Variants in CCT6A observed in about 807,000 individuals in gnomAD.
CCT6A encodes T-complex protein 1 subunit zeta.
A neutral mutation model predicts 58.6 loss-of-function variants in CCT6A; 6 were observed. The observed-to-expected ratio is 0.10, with a 90% CI of 0.06 to 0.20. The LOEUF (loss-of-function observed/expected upper bound fraction) is 0.20, where lower values mean the gene tolerates loss of function less well. Among genes scored for constraint, CCT6A ranks in the 10% least tolerant of loss-of-function variants. The pLI, the probability that CCT6A is intolerant of heterozygous loss-of-function variation, is 1.00. For missense variants in CCT6A, 516 were observed against 648.8 expected (o/e 0.80, Z 2.22); for synonymous variants, 245 against 227.8 (o/e 1.08, Z -0.68).
At chr7:56,061,087 C>A in intron 11 of CCT6A, 147 bp downstream of exon 11, 1 of 825,762 alleles carries the variant, frequency 1.2e-6, no homozygotes, top group Non-Finnish European at 1.8e-6. Context: ...TCCTCATCAT[C>A]CAGATATATT....
At chr7:56,052,917 C>CG (rs919652810) in intron 2 of CCT6A, among the ~76,000 whole-genome samples, 5 of 152,030 alleles carry the variant, frequency 3.3e-5, no homozygotes, top group African/African-American at 1.2e-4. Context: ...TCTCAGTCTC[C>CG]CAAGTAGCTA....
In CCT6A at chr7:56,058,392, T is replaced by G. The variant is rs777480646; in HGVS notation, c.756T>G (p.Ser252Arg). The change falls in exon 7 of 14, where the codon AGT (serine) becomes AGG (arginine). Residue 252 changes from serine to arginine, a missense_variant. Ser to Arg is a moderately radical substitution (Grantham distance 110, BLOSUM62 -1). Coordinates refer to ENST00000275603, the MANE Select transcript of CCT6A (RefSeq NM_001762.4). ...TGAATTCTGGCTTTTTTTACAAGAG[T>G]GCAGAAGAGAGAGAAAAACTCGTGA... ...TEVNSGFFYK[S>R]AEEREKLVKA... is the part of the protein sequence containing the mutation. The G allele has an allele frequency of 4.4e-6, 7 of 1,592,734 alleles. No homozygotes were observed. The highest frequency in any genetic ancestry group is 1.7e-4 in the Middle Eastern group (1 of 5,944).
Position 56,060,944 on chromosome 7 carries a change from T to C in CCT6A, c.1347+4T>C, listed in dbSNP as rs533726609. On this transcript the variant is annotated splice_donor_region_variant and intron_variant, in intron 11 of 13. Transcript: ENST00000275603. ...TGCATTGCTCATTATTCCCAAGGTGTGCATGCTTTTAACAGTCAATCTTCC... is the reference window on the plus strand; with the variant it reads ...TGCATTGCTCATTATTCCCAAGGTGCGCATGCTTTTAACAGTCAATCTTCC... 6.2e-7 allele frequency: 1 copy of C among 1,601,392 alleles called. No individual in the cohort carries two copies. Among genetic ancestry groups the C allele is most frequent in the South Asian group, 1.1e-5 (1 of 88,134 alleles).
chr7:56,061,528 G>A (rs1376003438), intron 11 of CCT6A: 1 of 273,654 alleles, frequency 3.7e-6, no homozygotes, highest in African/African-American at 2.3e-5. Flanking sequence ...TTTATTTTTA[G>A]TAGAGATGGG....
In CCT6A at chr7:56,063,260, A is replaced by T. The variant is rs1794515092; in HGVS notation, c.*175A>T. ...GAAGTTCTGAAATTATAGTATTTTT[A>T]AAAATTGCACTGAAGTGTATACACA... On this transcript the variant is annotated 3_prime_UTR_variant, in exon 14 of 14. Coordinates refer to ENST00000275603, the MANE Select transcript of CCT6A (RefSeq NM_001762.4). 2 of 608,348 alleles carry T rather than the reference A, an allele frequency of 3.3e-6. No homozygotes were observed. The highest frequency in any genetic ancestry group is 2.9e-5 in the Admixed American group (1 of 34,536). 37.7% of individuals were successfully genotyped at this position (608,348 alleles called of 1,614,324 possible). A position where few individuals can be genotyped will look rare whatever the true frequency, so the allele number is the denominator to read the frequency against.
At chr7:56,057,603 G>A (rs186470104) in intron 5 of CCT6A, among the ~76,000 whole-genome samples, 204 of 152,256 alleles carry the variant, frequency 1.3e-3, no homozygotes, top group African/African-American at 4.5e-3. Flanking sequence ...GAAATAGGCC[G>A]GGCGCAGTGG....
intron 2 of CCT6A, among the ~76,000 whole-genome samples, chr7:56,052,874 A>G (rs554611279): frequency 6.6e-6 from 1 of 150,752 alleles, no homozygotes; most frequent in Admixed American, 6.7e-5. Context: ...ACTCACTGCA[A>G]CCTCTCCCTC....
In CCT6A at chr7:56,063,034, T is replaced by G. The variant is rs2117355029; in HGVS notation, c.1545T>G (p.Ile515Met). The change falls in exon 14 of 14, where the codon ATT (isoleucine) becomes ATG (methionine). Residue 515 changes from isoleucine (I) to methionine (M), a missense_variant. This residue lies in a region of CCT6A where 315 missense variants were observed against 389.4 expected (regional missense o/e 0.81). Transcript: ENST00000275603. Reference sequence around the variant, plus strand: ...TCAGCACTGTGATTGCCACCAACATTCTCTTGGTTGATGAGATCATGCGAG... The same window carrying G: ...TCAGCACTGTGATTGCCACCAACATGCTCTTGGTTGATGAGATCATGCGAG... The part of the protein sequence containing the change: ...LHSCTVIATN[I>M]LLVDEIMRAG... 6.2e-7 allele frequency: 1 copy of G among 1,612,408 alleles called. No individual in the cohort carries two copies. The highest frequency in any genetic ancestry group is 8.5e-7 in the Non-Finnish European group (1 of 1,178,434).
Position 56,059,623 on chromosome 7 carries a change from G to C in CCT6A, c.1048G>C (p.Val350Leu), listed in dbSNP as rs1354309448. The C allele has an allele frequency of 1.8e-5, 27 of 1,508,452 alleles. No individual in the cohort carries two copies. The highest frequency in any genetic ancestry group is 2.5e-5 in the Non-Finnish European group (27 of 1,083,478). 93.4% of individuals were successfully genotyped at this position (1,508,452 alleles called of 1,614,324 possible). The change falls in exon 9 of 14, where the codon GTA becomes CTA. Residue 350 changes from valine to leucine, a missense_variant. This residue lies in a region of CCT6A where 315 missense variants were observed against 389.4 expected (regional missense o/e 0.81). Coordinates refer to ENST00000275603, the MANE Select transcript of CCT6A (RefSeq NM_001762.4). Reference protein sequence around the residue: ...SPDCLGHAGLVYEYTLGEEKF... With the variant: ...SPDCLGHAGLLYEYTLGEEKF... The stretch of plus-strand genomic sequence containing the variant: ...TGACTGCTTGGGACATGCAGGACTT[G>C]TATATGAGTATACATTGGTAAGTGT...
chr7:56,061,661 CTTTTTTCTTTTTTTTTT>C, intron 11 of CCT6A, 69 bp from the exon 12 acceptor site: 3 of 591,390 alleles, frequency 5.1e-6, no homozygotes, highest in Non-Finnish European at 5.4e-6. Context: ...TTTTCTTTTT[CTTTTTTCTTTTTTTTTT>C]TTTTTTTTTT....
chr7:56,061,890 A>G, intron 12 of CCT6A, 41 bp downstream of exon 12: 1 of 1,128,500 alleles, frequency 8.9e-7, no homozygotes. Context: ...ACTAGATGTA[A>G]TACGTGTGAG....
chr7:56,054,965 G>A (rs1794273578), intron 3 of CCT6A, among the ~76,000 whole-genome samples: 1 of 152,136 alleles, frequency 6.6e-6, no homozygotes. Context: ...GAGTTAGTTT[G>A]AGATTACCTA....
chr7:56,059,228 T>C (rs918440762), intron 8 of CCT6A, among the ~76,000 whole-genome samples: 13 of 152,076 alleles, frequency 8.5e-5, no homozygotes, highest in Non-Finnish European at 1.3e-4. Flanking sequence ...CTCAAACTCC[T>C]GGCCTCAAGT....
Position 56,060,366 on chromosome 7 carries a change from A to G in CCT6A, c.1163A>G (p.Lys388Arg). 6.2e-7 allele frequency: 1 copy of G among 1,613,980 alleles called. No homozygotes were observed. The highest frequency in any genetic ancestry group is 1.1e-5 in the South Asian group (1 of 91,086). The change falls in exon 10 of 14, where the codon AAA (lysine) becomes AGA (arginine). Residue 388 changes from lysine to arginine, a missense_variant. Lys to Arg is a conservative substitution (Grantham distance 26). Around this residue, in one of 3 missense-constraint regions of CCT6A, gnomAD observed 315 missense variants for 389.4 expected, o/e 0.81. Transcript: ENST00000275603. ...GPNKHTLTQI[K>R]DAVRDGLRAV... is the part of the protein sequence containing the mutation. The stretch of plus-strand genomic sequence containing the variant: ...AATAAGCACACACTCACTCAGATCA[A>G]AGATGCAGTGAGGGACGGCTTGAGG...
intron 9 of CCT6A, 64 bp downstream of exon 9, chr7:56,059,704 T>C: frequency 1.2e-6 from 1 of 842,728 alleles, no homozygotes; most frequent in South Asian, 1.4e-5. Context: ...TTTGTTTGTT[T>C]GTTTGAGGTG....
Position 56,054,506 on chromosome 7 carries a change from A to G in CCT6A, c.336+3A>G. ...AGGCGGATCTCTACATTTCTGAAGT[A>G]TGCACAACTCTTGTTTCTGTAATTT... is the stretch of plus-strand genomic sequence containing the variant. On this transcript the variant is annotated splice_donor_region_variant and intron_variant, in intron 3 of 13. Coordinates refer to ENST00000275603, the MANE Select transcript of CCT6A (RefSeq NM_001762.4). 1 of 1,606,978 alleles carries G rather than the reference A, an allele frequency of 6.2e-7. No homozygotes were observed. Among genetic ancestry groups the G allele is most frequent in the Non-Finnish European group, 8.5e-7 (1 of 1,176,370 alleles).
intron 8 of CCT6A, among the ~76,000 whole-genome samples, 183 bp from the exon 9 acceptor site, chr7:56,059,361 A>G (rs1218839254): frequency 6.6e-6 from 1 of 152,204 alleles, no homozygotes; most frequent in Non-Finnish European, 1.5e-5. Context: ...AGTGGTTTAA[A>G]TGGAGGGTTA....
Position 56,054,235 on chromosome 7 carries a change from A to T in CCT6A, c.202-134A>T, listed in dbSNP as rs556317385. The stretch of plus-strand genomic sequence containing the variant: ...TTGCATGTGCATGATAGTTAATCGA[A>T]GTAATTTGTAGCCAACATTTGGGTA... On this transcript the variant is annotated intron_variant, in intron 2 of 13. Transcript: ENST00000275603. 70 of 658,546 alleles carry T rather than the reference A, an allele frequency of 1.1e-4. No individual in the cohort carries two copies. The East Asian group carries it at 1.7e-3, about 16-fold the overall frequency. The allele number at this position is 658,546 out of a possible 1,614,324, so 40.8% of individuals were successfully genotyped here.
Position 56,056,290 on chromosome 7 carries a change from G to T in CCT6A, c.511-21G>T, listed in dbSNP as rs1392089789. Reference sequence around the variant, plus strand: ...TGCTGCAAATTGAATTTACTTAACGGTTATGCTCCTCCAATTGCAGGCTGT... The same window carrying T: ...TGCTGCAAATTGAATTTACTTAACGTTTATGCTCCTCCAATTGCAGGCTGT... On this transcript the variant is annotated intron_variant, in intron 4 of 13. Coordinates refer to ENST00000275603, the MANE Select transcript of CCT6A (RefSeq NM_001762.4). 4 of 1,233,596 alleles carry T rather than the reference G, an allele frequency of 3.2e-6. No homozygotes were observed. In the Admixed American group the frequency reaches 6.7e-5, roughly 21 times the overall value. 76.4% of individuals were successfully genotyped at this position (1,233,596 alleles called of 1,614,324 possible).
Sources: allele counts gnomAD v4.1 joint callset (sites outside exome capture counted in the v4.1 genomes callset), GRCh38; gene constraint gnomAD v4.1.1; regional missense constraint gnomAD v4.1.1; transcripts MANE v1.5; gene names NCBI Gene and HGNC (gene_info 2026-07-23, HGNC 2026-07-21).